Variants in LRP1B observed in about 807,000 individuals in gnomAD.
The protein encoded by LRP1B is LDL receptor related protein 1B, also known as low-density lipoprotein receptor-related protein 1B.
Under a neutral mutation model 556.6 loss-of-function variants are expected in LRP1B, and 217 were observed. The observed-to-expected ratio is 0.39, with a 90% CI of 0.35 to 0.44. LRP1B has a LOEUF of 0.44. Ranked by LOEUF, LRP1B falls within the 20% of genes least tolerant of loss-of-function variation. LRP1B has a pLI of 1.00. For missense variants in LRP1B, 5,053 were observed against 5,620.8 expected (o/e 0.90, Z 3.23); for synonymous variants, 2,047 against 1,865.8 (o/e 1.10, Z -2.50).
intron 1 of LRP1B, among the ~76,000 whole-genome samples, chr2:141,842,607 C>T (rs1324391645): frequency 2.0e-5 from 3 of 152,046 alleles, no homozygotes. Context: ...TTATTAGCTA[C>T]TTGTTCATCT....
At chr2:141,768,865 A>T (rs1694811282) in intron 2 of LRP1B, among the ~76,000 whole-genome samples, 1 of 136,352 alleles carries the variant, frequency 7.3e-6, no homozygotes, top group African/African-American at 2.9e-5. Flanking sequence ...GTATTAAGAG[A>T]TACAGATATG....
intron 3 of LRP1B, among the ~76,000 whole-genome samples, chr2:141,441,339 A>C (rs1680958699): frequency 6.6e-6 from 1 of 152,004 alleles, no homozygotes. Context: ...CGGCCTCCCA[A>C]AGTGCTGGGA....
At chr2:141,139,165 A>C (rs1366574185) in intron 7 of LRP1B, among the ~76,000 whole-genome samples, 4 of 151,908 alleles carry the variant, frequency 2.6e-5, no homozygotes, top group African/African-American at 9.7e-5. Flanking sequence ...TCTTAGATTC[A>C]TGCCTTATAC....
intron 1 of LRP1B, among the ~76,000 whole-genome samples, chr2:142,063,229 T>C (rs1035123617): frequency 6.6e-6 from 1 of 151,664 alleles, no homozygotes; most frequent in African/African-American, 2.4e-5. Context: ...AAAACTAATT[T>C]AGAGTAATTA....
At chr2:142,075,971 T>C (rs1574657717) in intron 1 of LRP1B, among the ~76,000 whole-genome samples, 2 of 152,110 alleles carry the variant, frequency 1.3e-5, no homozygotes, top group African/African-American at 4.8e-5. Context: ...AAGGGTTTAA[T>C]TCTCCATTCA....
intron 2 of LRP1B, among the ~76,000 whole-genome samples, chr2:141,482,912 C>T (rs1682974807): frequency 6.6e-6 from 1 of 151,766 alleles, no homozygotes; most frequent in Admixed American, 6.6e-5. Flanking sequence ...AAAAATGACT[C>T]AGCAGTTCTC....
intron 41 of LRP1B, among the ~76,000 whole-genome samples, chr2:140,643,677 C>A (rs1470651708): frequency 2.0e-5 from 3 of 152,126 alleles, no homozygotes; most frequent in Non-Finnish European, 2.9e-5. Context: ...TAAAATGTAG[C>A]AGCCTTGGAG....
chr2:141,977,760 AATAGTTTAC>A (rs991366293), intron 1 of LRP1B, among the ~76,000 whole-genome samples: 54 of 152,302 alleles, frequency 3.5e-4, no homozygotes, highest in African/African-American at 1.3e-3. Flanking sequence ...AAAAACAAAG[AATAGTTTAC>A]TATAGAATGA....
Position 140,494,660 on chromosome 2 carries a change from G to C in LRP1B, c.9034+905C>G, listed in dbSNP as rs1688839888. Reference sequence around the variant, plus strand: ...TCCAAATAATCCTCAAATTGATTCAGGGAAGGAAGATAAGTGATGGTGGAA... The same window carrying C: ...TCCAAATAATCCTCAAATTGATTCACGGAAGGAAGATAAGTGATGGTGGAA... On this transcript the variant is annotated intron_variant, in intron 56 of 90. Coordinates refer to ENST00000389484, the MANE Select transcript of LRP1B (RefSeq NM_018557.3). Among the ~76,000 whole-genome samples the C allele has an allele frequency of 2.0e-5, 3 of 149,930 alleles. No individual in the cohort carries two copies. The South Asian group carries it at 6.4e-4, about 32-fold the overall frequency.
Position 140,514,729 on chromosome 2 carries a change from T to G in LRP1B, c.8193A>C (p.Lys2731Asn). 6.2e-7 allele frequency: 1 copy of G among 1,612,482 alleles called. No individual in the cohort carries two copies. The highest frequency in any genetic ancestry group is 8.5e-7 in the Non-Finnish European group (1 of 1,178,922). Residue 2731 changes from lysine to asparagine, a missense_variant, in exon 51 of 91, where the codon AAA becomes AAC. Around this residue, in one of 5 missense-constraint regions of LRP1B, gnomAD observed 3,619 missense variants for 3,931.9 expected, o/e 0.92. Transcript: ENST00000389484. Reference protein sequence around the residue: ...SWNQFACSAQKCISKHWICDG... With the variant: ...SWNQFACSAQNCISKHWICDG... ...CACAAATCCAATGCTTAGAAATACA[T>G]TTTTGTGCGGAACAAGCAAATTGGT...
chr2:141,245,157 T>G (rs1245746136), intron 5 of LRP1B, among the ~76,000 whole-genome samples: 1 of 152,166 alleles, frequency 6.6e-6, no homozygotes, highest in African/African-American at 2.4e-5. Context: ...TCATCAATAT[T>G]TTACATCAGA....
At position 140,231,984 on chromosome 2, in the gene LRP1B, T is replaced by A. The variant is rs1173459994; in HGVS notation, c.*1202A>T. 6.6e-6 allele frequency: 1 copy of A among 151,622 alleles called. No homozygotes were observed. Among genetic ancestry groups the A allele is most frequent in the Non-Finnish European group, 1.5e-5 (1 of 67,538 alleles). 9.4% of individuals were successfully genotyped at this position (151,622 alleles called of 1,614,324 possible). On this transcript the variant is annotated 3_prime_UTR_variant, in exon 91 of 91. Coordinates refer to ENST00000389484, the MANE Select transcript of LRP1B (RefSeq NM_018557.3). Reference sequence around the variant, plus strand: ...TGAAGATAAACAAACCAAACGTGAATGGGGTCCATGCGTTCTGTAAAACCC... The same window carrying A: ...TGAAGATAAACAAACCAAACGTGAAAGGGGTCCATGCGTTCTGTAAAACCC...
At chr2:141,597,125 A>C (rs1177916470) in intron 2 of LRP1B, among the ~76,000 whole-genome samples, 1 of 151,778 alleles carries the variant, frequency 6.6e-6, no homozygotes. Flanking sequence ...TACTGTAGAA[A>C]CTTTAGTTGA....
intron 3 of LRP1B, among the ~76,000 whole-genome samples, chr2:141,328,200 G>A (rs773062359): frequency 7.2e-5 from 11 of 152,080 alleles, no homozygotes; most frequent in Non-Finnish European, 1.3e-4. Flanking sequence ...TACATAGACA[G>A]CCAGTTTAAT....
chr2:140,789,654 G>A (rs1448683115), intron 32 of LRP1B, among the ~76,000 whole-genome samples: 9 of 93,970 alleles, frequency 9.6e-5, no homozygotes, highest in African/African-American at 2.8e-4. Flanking sequence ...TTTTTGAGAC[G>A]GAGTCTCGCT....
chr2:140,754,911 A>C (rs1573671399), intron 35 of LRP1B, among the ~76,000 whole-genome samples: 1 of 152,002 alleles, frequency 6.6e-6, no homozygotes, highest in Non-Finnish European at 1.5e-5. Context: ...AAATTTGACA[A>C]ATCTGTAGCT....
chr2:141,230,706 T>A (rs1573686317), intron 5 of LRP1B, among the ~76,000 whole-genome samples: 1 of 152,192 alleles, frequency 6.6e-6, no homozygotes, highest in African/African-American at 2.4e-5. Context: ...AGCTGCCACC[T>A]CAGAGGGGCT....
chr2:142,013,630 G>C (rs1194246602), intron 1 of LRP1B, among the ~76,000 whole-genome samples: 1 of 151,902 alleles, frequency 6.6e-6, no homozygotes, highest in African/African-American at 2.4e-5. Context: ...AGATTAAAGA[G>C]TTATGAGAAG....
At chr2:140,928,775 G>A (rs550292963) in intron 20 of LRP1B, among the ~76,000 whole-genome samples, 6 of 152,094 alleles carry the variant, frequency 3.9e-5, no homozygotes, top group Non-Finnish European at 8.8e-5. Context: ...ACTTGAGTGA[G>A]ACCAAAATGA....
Sources: gnomAD v4.1 joint callset for allele counts (sites outside exome capture counted in the v4.1 genomes callset) on GRCh38, gnomAD v4.1.1 for gene constraint, gnomAD v4.1.1 regional missense constraint, MANE v1.5 for transcripts, NCBI Gene and HGNC (gene_info 2026-07-23, HGNC 2026-07-21) for gene names.